Variants in PCDH7 observed in about 807,000 individuals in gnomAD.
The protein encoded by PCDH7 is protocadherin 7, also known as protocadherin-7.
Under a neutral mutation model 58.9 loss-of-function variants are expected in PCDH7, and 17 were observed. That is an observed-to-expected ratio of 0.29 (90% confidence interval 0.20 to 0.43). The LOEUF (loss-of-function observed/expected upper bound fraction) is 0.43, where lower values mean the gene tolerates loss of function less well. Ranked by LOEUF, PCDH7 falls within the 20% of genes least tolerant of loss-of-function variation. The pLI is 1.00. For synonymous variants in PCDH7, 664 were observed against 616.4 expected (o/e 1.08, Z -1.14); for missense variants, 1,274 against 1,441.0 (o/e 0.88, Z 1.88).
chr4:31,015,168 T>G (rs553269411), intron 3 of PCDH7, among the ~76,000 whole-genome samples: 1 of 152,336 alleles, frequency 6.6e-6, no homozygotes, highest in African/African-American at 2.4e-5. Flanking sequence ...AGTTTCATTC[T>G]TGTTCTTTCT....
chr4:30,878,808 C>T (rs1578142253), intron 1 of PCDH7, among the ~76,000 whole-genome samples: 1 of 152,166 alleles, frequency 6.6e-6, no homozygotes, highest in East Asian at 1.9e-4. Flanking sequence ...TGAGATTGTG[C>T]CATTGCACTC....
chr4:30,944,672 C>T (rs1746458784), intron 2 of PCDH7, among the ~76,000 whole-genome samples: 2 of 152,082 alleles, frequency 1.3e-5, no homozygotes, highest in Admixed American at 1.3e-4. Flanking sequence ...TTCTAACAAA[C>T]AACTGTAAGT....
At chr4:30,915,205 G>T (rs988677010) in intron 1 of PCDH7, among the ~76,000 whole-genome samples, 1 of 152,090 alleles carries the variant, frequency 6.6e-6, no homozygotes, top group Non-Finnish European at 1.5e-5. Flanking sequence ...AGAAATCTTT[G>T]TTTTAACTTC....
intron 3 of PCDH7, among the ~76,000 whole-genome samples, chr4:31,048,633 C>G (rs991425895): frequency 6.6e-6 from 1 of 151,860 alleles, no homozygotes; most frequent in East Asian, 1.9e-4. Flanking sequence ...AAGCCTCAAG[C>G]TTTTACTACA....
intron 3 of PCDH7, among the ~76,000 whole-genome samples, chr4:31,110,624 T>C (rs1021328108): frequency 6.6e-6 from 1 of 152,134 alleles, no homozygotes; most frequent in African/African-American, 2.4e-5. Context: ...TCTTAAAACA[T>C]TGAATACCAG....
intron 2 of PCDH7, among the ~76,000 whole-genome samples, chr4:30,948,405 TC>T (rs1746972817): frequency 6.6e-6 from 1 of 152,076 alleles, no homozygotes; most frequent in Admixed American, 6.5e-5. Context: ...ATTTGCTTCT[TC>T]CAAAGACAAA....
At chr4:30,861,155 C>A (rs1191579222) in intron 1 of PCDH7, among the ~76,000 whole-genome samples, 1 of 152,160 alleles carries the variant, frequency 6.6e-6, no homozygotes, top group East Asian at 1.9e-4. Flanking sequence ...ACAGCCCCAC[C>A]TTATACACTA....
chr4:30,827,607 A>C (rs1729260701), intron 1 of PCDH7, among the ~76,000 whole-genome samples: 1 of 152,176 alleles, frequency 6.6e-6, no homozygotes, highest in Non-Finnish European at 1.5e-5. Flanking sequence ...TTCAATGCAT[A>C]TCTTAAATTT....
intron 3 of PCDH7, among the ~76,000 whole-genome samples, chr4:31,039,975 A>G (rs1385919478): frequency 6.6e-6 from 1 of 152,184 alleles, no homozygotes; most frequent in Non-Finnish European, 1.5e-5. Context: ...CGTAGATACA[A>G]ACAGGGGGCT....
Position 30,721,172 on chromosome 4 carries a change from T to A in PCDH7, c.-251T>A. On this transcript the variant is annotated 5_prime_UTR_variant, in exon 1 of 2. The change creates a new upstream start codon in the 5' untranslated region. Transcript: ENST00000361762. This position sits in a 1 kb window ranked among gnomAD's most constrained non-coding sequence, Gnocchi z 6.7. The stretch of plus-strand genomic sequence containing the variant: ...CAGGCGAGCGGGCGATTAGCACCCA[T>A]TGCATGAATTATGAAACAATAACTT... 2.0e-6 allele frequency: 1 copy of A among 508,112 alleles called. No homozygotes were observed. The highest frequency in any genetic ancestry group is 3.5e-6 in the Non-Finnish European group (1 of 289,572). 31.5% of individuals were successfully genotyped at this position (508,112 alleles called of 1,614,324 possible).
intron 1 of PCDH7, among the ~76,000 whole-genome samples, chr4:30,879,213 C>T (rs192437200): frequency 9.9e-5 from 15 of 151,944 alleles, no homozygotes; most frequent in Admixed American, 3.9e-4. Context: ...ATCTTCCCTC[C>T]CTCTCTCTTT....
At chr4:30,765,123 TGC>T in intron 1 of PCDH7, among the ~76,000 whole-genome samples, 1 of 137,582 alleles carries the variant, frequency 7.3e-6, no homozygotes, top group Non-Finnish European at 1.5e-5. Context: ...GGACTTCAGA[TGC>T]TTTTTTTTTT....
chr4:30,842,861 A>G (rs1026296603), intron 1 of PCDH7, among the ~76,000 whole-genome samples: 1 of 152,088 alleles, frequency 6.6e-6, no homozygotes, highest in South Asian at 2.1e-4. Flanking sequence ...ACCTGCAGTA[A>G]TTTTTATAGC....
chr4:31,039,221 G>A (rs1296162515), intron 3 of PCDH7, among the ~76,000 whole-genome samples: 1 of 152,182 alleles, frequency 6.6e-6, no homozygotes, highest in Non-Finnish European at 1.5e-5. Context: ...TTTTGTGACA[G>A]TGTTAGGATA....
At chr4:30,792,193 A>G (rs1253672471) in intron 1 of PCDH7, among the ~76,000 whole-genome samples, 2 of 152,240 alleles carry the variant, frequency 1.3e-5, no homozygotes, top group African/African-American at 4.8e-5. Context: ...TTTGGAGAAG[A>G]TAAAATGAGC....
chr4:30,999,457 AC>A (rs1752169055), intron 3 of PCDH7, among the ~76,000 whole-genome samples: 1 of 152,150 alleles, frequency 6.6e-6, no homozygotes, highest in African/African-American at 2.4e-5. Context: ...ATTTCTCAGG[AC>A]ATTCACAAAT....
chr4:31,010,141 A>C (rs148759172), intron 3 of PCDH7, among the ~76,000 whole-genome samples: 138 of 152,116 alleles, frequency 9.1e-4, no homozygotes, highest in African/African-American at 3.0e-3. Flanking sequence ...GAGCAAAAGC[A>C]ATCCACATTC....
chr4:31,109,411 G>A (rs1432111068), intron 3 of PCDH7, among the ~76,000 whole-genome samples: 1 of 152,072 alleles, frequency 6.6e-6, no homozygotes, highest in Non-Finnish European at 1.5e-5. Flanking sequence ...AAACAAAACA[G>A]TGCAAAAAAA....
intron 1 of PCDH7, among the ~76,000 whole-genome samples, chr4:30,824,095 CTTTCTTTCTT>C (rs1161341703): frequency 2.2e-5 from 2 of 90,092 alleles, no homozygotes; most frequent in African/African-American, 8.9e-5. Context: ...TTCTTTCTTT[CTTTCTTTCTT>C]TCTTTCTTTC....
Sources: allele counts gnomAD v4.1 joint callset (sites outside exome capture counted in the v4.1 genomes callset), GRCh38; gene constraint gnomAD v4.1.1; non-coding constraint Gnocchi (gnomAD v3.1); transcripts MANE v1.5; gene names NCBI Gene and HGNC (gene_info 2026-07-23, HGNC 2026-07-21).